Variants in EFCAB11 observed in about 807,000 individuals in gnomAD.
EFCAB11 encodes the protein EF-hand calcium binding domain 11.
Under a neutral mutation model 23.0 loss-of-function variants are expected in EFCAB11, and 14 were observed. The ratio of observed to expected loss-of-function variants is 0.61; its 90% CI spans 0.40 to 0.95. The LOEUF (loss-of-function observed/expected upper bound fraction) is 0.95, where lower values mean the gene tolerates loss of function less well. Ranked by LOEUF, EFCAB11 falls within the 40% of genes least tolerant of loss-of-function variation. The probability of loss-of-function intolerance (pLI) is 0.00; values close to 1 mark genes in which losing one functional copy is unlikely to be tolerated. For synonymous variants in EFCAB11, 65 were observed against 66.6 expected (o/e 0.98, Z 0.11); for missense variants, 198 against 195.8 (o/e 1.01, Z -0.07).
chr14:89,920,921 T>C (rs1890002643), intron 5 of EFCAB11, among the ~76,000 whole-genome samples: 1 of 151,908 alleles, frequency 6.6e-6, no homozygotes, highest in African/African-American at 2.4e-5. Context: ...AAAAATTAGC[T>C]GCGCATAGTG....
chr14:89,827,437 G>A (rs761366568), intron 5 of EFCAB11, among the ~76,000 whole-genome samples: 8 of 152,190 alleles, frequency 5.3e-5, no homozygotes, highest in Middle Eastern at 3.4e-3. Context: ...CTGGCCGCCC[G>A]GTAGCCTCTG....
chr14:89,916,973 A>G (rs1218532417), intron 5 of EFCAB11, among the ~76,000 whole-genome samples: 2 of 152,182 alleles, frequency 1.3e-5, no homozygotes, highest in African/African-American at 4.8e-5. Context: ...AAGGTATACA[A>G]GATGACGTTT....
chr14:89,835,969 G>A (rs551495055), intron 5 of EFCAB11, among the ~76,000 whole-genome samples: 11 of 152,216 alleles, frequency 7.2e-5, no homozygotes, highest in Admixed American at 2.0e-4. Flanking sequence ...CAACCTAAGC[G>A]TAAAGCAAGA....
At chr14:89,840,056 G>A (rs1019748214) in intron 5 of EFCAB11, among the ~76,000 whole-genome samples, 1 of 152,196 alleles carries the variant, frequency 6.6e-6, no homozygotes, top group African/African-American at 2.4e-5. Flanking sequence ...ACCTCCAGAT[G>A]AGATCCACTA....
intron 5 of EFCAB11, among the ~76,000 whole-genome samples, chr14:89,800,755 G>C (rs908799922): frequency 3.3e-5 from 5 of 152,116 alleles, no homozygotes; most frequent in Non-Finnish European, 7.4e-5. Flanking sequence ...CAAGAGAGCA[G>C]AACTGGGCTG....
intron 5 of EFCAB11, among the ~76,000 whole-genome samples, chr14:89,820,160 A>C (rs1886462528): frequency 6.6e-6 from 1 of 152,200 alleles, no homozygotes. Flanking sequence ...GCTATAGAAA[A>C]ACCTAACAGT....
chr14:89,822,377 A>C (rs111624556), intron 5 of EFCAB11, among the ~76,000 whole-genome samples: 2,371 of 152,324 alleles, frequency 0.016, 31 homozygotes, highest in Middle Eastern at 0.068. Context: ...CCCTGGCAGG[A>C]GTAGGTATTT....
intron 5 of EFCAB11, among the ~76,000 whole-genome samples, chr14:89,905,441 G>A (rs1261907460): frequency 6.6e-6 from 1 of 152,100 alleles, no homozygotes; most frequent in Non-Finnish European, 1.5e-5. Context: ...CGTGCTTAGT[G>A]CAAAATGACA....
At chr14:89,815,515 C>T (rs1311267508) in intron 5 of EFCAB11, among the ~76,000 whole-genome samples, 1 of 151,074 alleles carries the variant, frequency 6.6e-6, no homozygotes, top group Admixed American at 6.6e-5. Context: ...CAACCTCCGC[C>T]TCCCAGGTTC....
At chr14:89,819,941 C>G (rs1886455733) in intron 5 of EFCAB11, among the ~76,000 whole-genome samples, 1 of 152,118 alleles carries the variant, frequency 6.6e-6, no homozygotes, top group Non-Finnish European at 1.5e-5. Context: ...TGGTAAAAAT[C>G]TGTTAGGAAA....
intron 3 of EFCAB11, among the ~76,000 whole-genome samples, chr14:89,935,423 ACAGGGTCTTGCTCTCTTGCC>A (rs1216413686): frequency 7.0e-6 from 1 of 142,878 alleles, no homozygotes; most frequent in Non-Finnish European, 1.5e-5. Context: ...TTTCCTAGAG[ACAGGGTCTTGCTCTCTTGCC>A]CAGGCTGGAG....
At chr14:89,945,699 T>C (rs1033088404) in intron 3 of EFCAB11, among the ~76,000 whole-genome samples, 60 of 152,180 alleles carry the variant, frequency 3.9e-4, no homozygotes, top group African/African-American at 1.4e-3. Context: ...TGTATTCTGC[T>C]TTTGTTGGGT....
intron 5 of EFCAB11, chr14:89,931,333 T>A: frequency 1.9e-6 from 1 of 528,350 alleles, no homozygotes; most frequent in Non-Finnish European, 3.3e-6. Context: ...GTGCAAGCGC[T>A]CCCCCAACTT....
intron 5 of EFCAB11, among the ~76,000 whole-genome samples, chr14:89,801,059 A>AAAAAAAAAAG (rs1555369622): frequency 1.4e-5 from 2 of 138,782 alleles, no homozygotes; most frequent in African/African-American, 2.7e-5. Flanking sequence ...AAAAAAAAAA[A>AAAAAAAAAAG]AGAAGTACTG....
At chr14:89,834,913 G>T (rs1361519636) in intron 5 of EFCAB11, among the ~76,000 whole-genome samples, 2 of 152,176 alleles carry the variant, frequency 1.3e-5, no homozygotes, top group East Asian at 3.8e-4. Flanking sequence ...TGGGAGATAG[G>T]AGAAATAGTA....
chr14:89,803,884 A>G (rs1387136777), intron 5 of EFCAB11, among the ~76,000 whole-genome samples: 1 of 152,184 alleles, frequency 6.6e-6, no homozygotes, highest in Non-Finnish European at 1.5e-5. Flanking sequence ...TCAGCTGGTA[A>G]TGTGTTTATT....
At chr14:89,916,595 A>C (rs561500146) in intron 5 of EFCAB11, among the ~76,000 whole-genome samples, 7 of 152,358 alleles carry the variant, frequency 4.6e-5, no homozygotes, top group African/African-American at 1.7e-4. Context: ...TCAACACATA[A>C]TTTGAACATG....
intron 2 of EFCAB11, chr14:89,952,302 A>G (rs1891199174): frequency 1.6e-6 from 1 of 629,512 alleles, no homozygotes; most frequent in East Asian, 1.4e-4. Context: ...AGTATGTTAC[A>G]TCACTGTATC....
Position 89,821,780 on chromosome 14 carries a change from C to T in EFCAB11, c.411-24456G>A, listed in dbSNP as rs116200248. Among the ~76,000 whole-genome samples the T allele has an allele frequency of 2.6e-3, 397 of 152,264 alleles. 2 individuals carry two copies. The highest frequency in any genetic ancestry group is 9.1e-3 in the African/African-American group (379 of 41,538). Reference sequence around the variant, plus strand: ...CCAGGAGCACACCCTTTTTAAACACCTCCTCCTCTATGTGACAAAACTATT... The same window carrying T: ...CCAGGAGCACACCCTTTTTAAACACTTCCTCCTCTATGTGACAAAACTATT... On this transcript the variant is annotated intron_variant, in intron 5 of 5. Coordinates refer to ENST00000316738, the MANE Select transcript of EFCAB11 (RefSeq NM_145231.4).
Sources: gnomAD v4.1 joint callset for allele counts (sites outside exome capture counted in the v4.1 genomes callset) on GRCh38, gnomAD v4.1.1 for gene constraint, MANE v1.5 for transcripts, NCBI Gene and HGNC (gene_info 2026-07-23, HGNC 2026-07-21) for gene names.